Variants in ADAM11 observed in about 807,000 individuals in gnomAD.
ADAM11 encodes the protein disintegrin and metalloproteinase domain-containing protein 11.
A neutral mutation model predicts 119.1 loss-of-function variants in ADAM11; 49 were observed. The ratio of observed to expected loss-of-function variants is 0.41; its 90% confidence interval spans 0.33 to 0.52. The LOEUF is 0.52. ADAM11 is among the 20% of genes least tolerant of loss of function. The pLI is 0.20. For missense variants in ADAM11, 777 were observed against 1,047.5 expected, an observed-to-expected ratio of 0.74 and a Z score of 3.56; for synonymous variants, 364 against 408.0, an observed-to-expected ratio of 0.89 and a Z score of 1.30.
intron 5 of ADAM11, 38 bp from the exon 6 acceptor site, chr17:44,771,718 C>T: frequency 1.2e-6 from 2 of 1,612,420 alleles, no homozygotes; most frequent in Non-Finnish European, 1.7e-6. Context: ...CTGGCCCAGG[C>T]CTGGGGACGG....
rs2049561601 is a variant in ADAM11, at chr17:44,773,830, T to C, written c.992+403T>C. On this transcript the variant is annotated intron_variant, in intron 11 of 26. Transcript: ENST00000200557. The surrounding 1 kb of genome is among the most constrained non-coding windows in gnomAD (Gnocchi z 4.6). ...CCAAGGAGGGGCCAGGCGTGGTGGCTCATGCCTGTAATCTCAGCACTTTGG... is the reference window on the plus strand; with the variant it reads ...CCAAGGAGGGGCCAGGCGTGGTGGCCCATGCCTGTAATCTCAGCACTTTGG... 1.3e-5 allele frequency among the ~76,000 whole-genome samples: 2 copies of C among 151,754 alleles called. No individual in the cohort carries two copies. The highest frequency in any genetic ancestry group is 4.8e-5 in the African/African-American group (2 of 41,256).
At position 44,775,509 on chromosome 17, in the gene ADAM11, G is replaced by A; in HGVS notation, c.1392+44G>A. On this transcript the variant is annotated intron_variant, in intron 16 of 26. Transcript: ENST00000200557. The surrounding 1 kb of genome is among the most constrained non-coding windows in gnomAD (Gnocchi z 7.5). ...GCCAGGTGGGGAACCGGGATGCGGG[G>A]GTGGGCACGAGGGAGCGTCTGAGTG... The A allele has an allele frequency of 6.3e-7, 1 of 1,584,920 alleles. No homozygotes were observed. Among genetic ancestry groups the A allele is most frequent in the Non-Finnish European group, 8.6e-7 (1 of 1,169,146 alleles).
At chr17:44,763,240 A>G (rs1319529856) in intron 2 of ADAM11, among the ~76,000 whole-genome samples, 1 of 152,230 alleles carries the variant, frequency 6.6e-6, no homozygotes, top group East Asian at 1.9e-4. Context: ...TTTAATCTTC[A>G]TCACAGCTCC....
intron 2 of ADAM11, among the ~76,000 whole-genome samples, chr17:44,761,740 G>A (rs1428767733): frequency 6.6e-6 from 1 of 152,132 alleles, no homozygotes; most frequent in East Asian, 1.9e-4. Context: ...CAAAGCTGTG[G>A]ACTTCTATGG....
Position 44,775,473 on chromosome 17 carries a change from G to T in ADAM11, c.1392+8G>T. 1 of 1,604,380 alleles carries T rather than the reference G, an allele frequency of 6.2e-7. No homozygotes were observed. Among genetic ancestry groups the T allele is most frequent in the Middle Eastern group, 1.7e-4 (1 of 6,046 alleles). On this transcript the variant is annotated splice_region_variant and intron_variant, in intron 16 of 26. Transcript: ENST00000200557. The surrounding 1 kb of genome is among the most constrained non-coding windows in gnomAD (Gnocchi z 7.5). ...GACTGCGGCTCGGTGCAGGTGAGCG[G>T]TGGTGCGGGCGCCAGGTGGGGAACC...
At chr17:44,764,330 G>A (rs1354288784) in intron 2 of ADAM11, among the ~76,000 whole-genome samples, 2 of 152,238 alleles carry the variant, frequency 1.3e-5, no homozygotes, top group Non-Finnish European at 2.9e-5. Context: ...AAGGCGGAGG[G>A]CAGTTGAGTA....
Position 44,771,842 on chromosome 17 carries a change from C to A in ADAM11, c.543+11C>A, listed in dbSNP as rs562516410. 6.3e-7 allele frequency: 1 copy of A among 1,598,612 alleles called. No homozygotes were observed. The highest frequency in any genetic ancestry group is 8.6e-7 in the Non-Finnish European group (1 of 1,169,016). ...TGGGGAGCCCCTCAGGTAAGCCCCACACAACCCCTTGCCATCCTCTCTGGT... is the reference window on the plus strand; with the variant it reads ...TGGGGAGCCCCTCAGGTAAGCCCCAAACAACCCCTTGCCATCCTCTCTGGT... On this transcript the variant is annotated intron_variant, in intron 6 of 26. Transcript: ENST00000200557.
rs577406469 is a variant in ADAM11 at position 44,770,103 on chromosome 17, G to A, written c.381+55G>A. ...GGGATGGAAGGGAGGTGCTGTTTCT[G>A]TGGTTCTGTGGTCACAGGTGTAGGG... On this transcript the variant is annotated intron_variant, in intron 4 of 26. Coordinates refer to ENST00000200557, the MANE Select transcript of ADAM11 (RefSeq NM_002390.6). The A allele has an allele frequency of 9.4e-6, 15 of 1,591,548 alleles. 1 individual carries two copies. The East Asian group carries it at 3.4e-4, about 36-fold the overall frequency.
chr17:44,763,393 T>C (rs2049411778), intron 2 of ADAM11, among the ~76,000 whole-genome samples: 1 of 152,144 alleles, frequency 6.6e-6, no homozygotes, highest in Non-Finnish European at 1.5e-5. Flanking sequence ...CGCTGCCACC[T>C]CTTGCTCAGG....
chr17:44,766,369 G>C (rs2049450563), intron 2 of ADAM11, among the ~76,000 whole-genome samples: 1 of 152,240 alleles, frequency 6.6e-6, no homozygotes, highest in Non-Finnish European at 1.5e-5. Context: ...GCAGAGCCCA[G>C]GCACCTGTAT....
chr17:44,772,595 TG>T lies in ADAM11; in HGVS notation c.678+134del. 1 of 1,262,842 alleles carries T rather than the reference TG, an allele frequency of 7.9e-7. No homozygotes were observed. Among genetic ancestry groups the T allele is most frequent in the Non-Finnish European group, 1.1e-6 (1 of 914,392 alleles). 78.2% of individuals were successfully genotyped at this position (1,262,842 alleles called of 1,614,324 possible). A position where few individuals can be genotyped will look rare whatever the true frequency, so the allele number is the denominator to read the frequency against. On this transcript the variant is annotated intron_variant, in intron 8 of 26. Coordinates refer to ENST00000200557, the MANE Select transcript of ADAM11 (RefSeq NM_002390.6). The surrounding 1 kb of genome is among the most constrained non-coding windows in gnomAD (Gnocchi z 4.5). Reference sequence around the variant, plus strand: ...GAAGGAAGGCTCAGATGGATGTGGCTGGGGGCCAGGGACCGTGTCTGGGAGA... The same window carrying T: ...GAAGGAAGGCTCAGATGGATGTGGCTGGGGCCAGGGACCGTGTCTGGGAGA...
intron 2 of ADAM11, among the ~76,000 whole-genome samples, chr17:44,767,890 G>T (rs2049470018): frequency 6.6e-6 from 1 of 152,200 alleles, no homozygotes; most frequent in Non-Finnish European, 1.5e-5. Context: ...GGGGTGGCTC[G>T]CAGACCTCCT....
In ADAM11 at chr17:44,778,028, C is replaced by G. The variant is rs760978880; in HGVS notation, c.2147C>G (p.Pro716Arg). 3 of 1,613,842 alleles carry G rather than the reference C, an allele frequency of 1.9e-6. No homozygotes were observed. Among genetic ancestry groups the G allele is most frequent in the Admixed American group, 3.3e-5 (2 of 59,966 alleles). Residue 716 changes from proline (P) to arginine (R), a missense_variant, in exon 24 of 27, where the codon CCC becomes CGC. Pro to Arg is a moderately radical substitution (Grantham distance 103). This residue lies in a region of ADAM11 where 348 missense variants were observed against 486.7 expected (regional missense o/e 0.72). Transcript: ENST00000200557. ...GKDCSIHNPL[P>R]TSPPTGETER... The stretch of plus-strand genomic sequence containing the variant: ...GACTGCAGTATCCATAACCCCCTGC[C>G]CACGTCCCCACCCACGGGGGAGACG...
At position 44,780,177 on chromosome 17, in the gene ADAM11, G is replaced by A; in HGVS notation, c.*423G>A. ...CTCTGGGACCTAGGGGGACGGGGCT[G>A]ACATCTACATTTTTTAAAACTGAAT... On this transcript the variant is annotated 3_prime_UTR_variant, in exon 27 of 27. Coordinates refer to ENST00000200557, the MANE Select transcript of ADAM11 (RefSeq NM_002390.6). The A allele has an allele frequency of 1.9e-6, 1 of 521,556 alleles. No individual in the cohort carries two copies. The highest frequency in any genetic ancestry group is 3.7e-6 in the Non-Finnish European group (1 of 273,366). 32.3% of individuals were successfully genotyped at this position (521,556 alleles called of 1,614,324 possible). A position where few individuals can be genotyped will look rare whatever the true frequency, so the allele number is the denominator to read the frequency against.
At position 44,772,442 on chromosome 17, in the gene ADAM11, G is replaced by A; in HGVS notation, c.654G>A (p.Arg218=). 6.3e-7 allele frequency: 1 copy of A among 1,575,726 alleles called. No individual in the cohort carries two copies. Among genetic ancestry groups the A allele is most frequent in the Admixed American group, 1.8e-5 (1 of 54,570 alleles). The part of the protein sequence containing the change: ...AVPAQSAPPN[R]PRLRRKRQVR... ...CTGCCCAGTCGGCTCCTCCAAACCGGCCGAGGCTGAGAAGGAAAAGGCAGG... is the reference window on the plus strand; with the variant it reads ...CTGCCCAGTCGGCTCCTCCAAACCGACCGAGGCTGAGAAGGAAAAGGCAGG... Residue 218 remains arginine, a synonymous_variant, in exon 8 of 27, where the codon CGG becomes CGA. Transcript: ENST00000200557. This position sits in a 1 kb window ranked among gnomAD's most constrained non-coding sequence, Gnocchi z 4.5.
At chr17:44,768,944 A>C (rs574071530) in intron 2 of ADAM11, among the ~76,000 whole-genome samples, 58 of 152,206 alleles carry the variant, frequency 3.8e-4, no homozygotes, top group African/African-American at 1.4e-3. Context: ...AGGCGTCCTC[A>C]AGCGCCCAGG....
rs748482869 is a variant in ADAM11, at chr17:44,778,141, A to G, written c.2186-11A>G. The G allele has an allele frequency of 2.0e-5, 33 of 1,613,190 alleles. No individual in the cohort carries two copies. The highest frequency in any genetic ancestry group is 1.2e-4 in the Admixed American group (7 of 59,904). On this transcript the variant is annotated splice_polypyrimidine_tract_variant and intron_variant, in intron 24 of 26. Coordinates refer to ENST00000200557, the MANE Select transcript of ADAM11 (RefSeq NM_002390.6). The stretch of plus-strand genomic sequence containing the variant: ...CTGTCCTTGCCAGCTAAGCCCTGCC[A>G]TCCTCCCCAGGTCCCAGCGGCACCA...
chr17:44,766,462 G>A lies in ADAM11; in HGVS notation c.238-3256G>A, dbSNP rs561156786. 2.0e-4 allele frequency among the ~76,000 whole-genome samples: 31 copies of A among 152,312 alleles called. No homozygotes were observed. The East Asian group carries it at 6.0e-3, about 29-fold the overall frequency. On this transcript the variant is annotated intron_variant, in intron 2 of 26. Transcript: ENST00000200557. ...GGTACAGAGAGGACAAGGCACAGTC[G>A]CTCTGAAGCAGATGTCTAGGAGAGT...
rs891932398 is a variant in ADAM11, at chr17:44,759,783, C to T, written c.123C>T (p.Gly41=). ...GGGGGGGCTTACCCCAGCTGGGAGG[C>T]CCAGGAGCCCCTGAGGTCACGGAAC... is the stretch of plus-strand genomic sequence containing the variant. The part of the protein sequence containing the change: ...LRWGGLPQLG[G]PGAPEVTEPS... Residue 41 remains glycine, a synonymous_variant, in exon 2 of 27, where the codon GGC becomes GGT. Transcript: ENST00000200557. 8.3e-6 allele frequency: 11 copies of T among 1,324,326 alleles called. No homozygotes were observed. Among genetic ancestry groups the T allele is most frequent in the Non-Finnish European group, 9.7e-6 (10 of 1,029,542 alleles). The allele number at this position is 1,324,326 out of a possible 1,614,324, so 82.0% of individuals were successfully genotyped here.
Sources: gnomAD v4.1 joint callset for allele counts (sites outside exome capture counted in the v4.1 genomes callset) on GRCh38, gnomAD v4.1.1 for gene constraint, gnomAD v4.1.1 regional missense constraint, Gnocchi (gnomAD v3.1) non-coding constraint, MANE v1.5 for transcripts, NCBI Gene and HGNC (gene_info 2026-07-23, HGNC 2026-07-21) for gene names.